PTH2R: variants seen among roughly 807,000 people sequenced by gnomAD.
PTH2R encodes parathyroid hormone 2 receptor.
PTH2R carries 59 observed loss-of-function variants against 60.3 expected under a neutral mutation model. The ratio of observed to expected loss-of-function variants is 0.98; its 90% CI spans 0.79 to 1.22. The LOEUF (loss-of-function observed/expected upper bound fraction) is 1.22. Among genes scored for constraint, PTH2R ranks in the 50% most tolerant of loss-of-function variants. The pLI, the probability that PTH2R is intolerant of heterozygous loss-of-function variation, is 0.00. For missense variants in PTH2R, 749 were observed against 682.6 expected (o/e 1.10, Z -1.08); for synonymous variants, 256 against 243.8 (o/e 1.05, Z -0.47).
At chr2:208,390,828 T>A (rs1013499316) in intron 1 of PTH2R, among the ~76,000 whole-genome samples, 2 of 152,188 alleles carry the variant, frequency 1.3e-5, no homozygotes, top group African/African-American at 4.8e-5. Flanking sequence ...GAGGTAGAAA[T>A]GACAAAAAGT....
Position 208,488,931 on chromosome 2 carries a change from GTT to G in PTH2R, c.1077-72_1077-71del, listed in dbSNP as rs11335842. 1.2e-3 allele frequency: 1,688 copies of G among 1,406,044 alleles called. 4 individuals carry two copies. The highest frequency in any genetic ancestry group is 1.9e-3 in the Admixed American group (97 of 50,254). 87.1% of individuals were successfully genotyped at this position (1,406,044 alleles called of 1,614,324 possible). Reference sequence around the variant, plus strand: ...GCCCCACCCCCATTAGCTCTGCTAAGTTTTTTTTTTCCTCCAGCACGCTGTCT... The same window carrying G: ...GCCCCACCCCCATTAGCTCTGCTAAGTTTTTTTTCCTCCAGCACGCTGTCT... On this transcript the variant is annotated intron_variant, in intron 10 of 12. Coordinates refer to ENST00000272847, the MANE Select transcript of PTH2R (RefSeq NM_005048.4).
intron 8 of PTH2R, among the ~76,000 whole-genome samples, chr2:208,456,700 A>G (rs867559751): frequency 6.6e-6 from 1 of 152,184 alleles, no homozygotes; most frequent in Non-Finnish European, 1.5e-5. Flanking sequence ...AGACCTTTGT[A>G]TCTCATGCTT....
chr2:208,493,488 C>T lies in PTH2R; in HGVS notation c.1482C>T (p.Gly494=). Residue 494 remains glycine (G), a synonymous_variant, in exon 13 of 13, where the codon GGC becomes GGT. Transcript: ENST00000272847. ...CTGACAGCCACATCACTTTACCTGG[C>T]TATGTCTGGAGTAACTCAGAGCAGG... ...RQPDSHITLP[G]YVWSNSEQDC... 2 of 1,612,806 alleles carry T rather than the reference C, an allele frequency of 1.2e-6. No homozygotes were observed. The highest frequency in any genetic ancestry group is 1.7e-6 in the Non-Finnish European group (2 of 1,179,314).
At chr2:208,461,210 G>A (rs1375616059) in intron 9 of PTH2R, among the ~76,000 whole-genome samples, 1 of 152,040 alleles carries the variant, frequency 6.6e-6, no homozygotes, top group African/African-American at 2.4e-5. Context: ...ATCGATTATG[G>A]ATGAATGCAT....
chr2:208,435,886 A>T (rs1702065705), intron 2 of PTH2R, among the ~76,000 whole-genome samples: 1 of 152,204 alleles, frequency 6.6e-6, no homozygotes, highest in Non-Finnish European at 1.5e-5. Context: ...TACAGTAGCA[A>T]TGGAAAACTA....
intron 1 of PTH2R, among the ~76,000 whole-genome samples, chr2:208,422,315 C>T (rs988756883): frequency 4.6e-5 from 7 of 152,174 alleles, no homozygotes; most frequent in Non-Finnish European, 7.3e-5. Context: ...CACATAGACA[C>T]ACCGGAAACA....
At chr2:208,421,551 C>G (rs1701757346) in intron 1 of PTH2R, among the ~76,000 whole-genome samples, 1 of 152,018 alleles carries the variant, frequency 6.6e-6, no homozygotes, top group African/African-American at 2.4e-5. Flanking sequence ...TTTCTCAAAA[C>G]TATAATGTTT....
Position 208,489,147 on chromosome 2 carries a change from T to C in PTH2R, c.1212T>C (p.Phe404=), listed in dbSNP as rs1703345915. ...ACTGTGAGCTCTTCTTCAACTCCTT[T>C]CAGGTAAAGGGTGCTGCCTAGTCAT... ...RMHCELFFNS[F]QGFFVSIIYC... Residue 404 remains phenylalanine (F), a synonymous_variant, in exon 11 of 13, where the codon TTT becomes TTC. Transcript: ENST00000272847. 6.2e-7 allele frequency: 1 copy of C among 1,613,896 alleles called. No homozygotes were observed. Among genetic ancestry groups the C allele is most frequent in the Non-Finnish European group, 8.5e-7 (1 of 1,179,932 alleles).
intron 9 of PTH2R, among the ~76,000 whole-genome samples, chr2:208,473,240 C>G (rs1702924947): frequency 6.6e-6 from 1 of 152,102 alleles, no homozygotes; most frequent in South Asian, 2.1e-4. Flanking sequence ...ATCTAGATAA[C>G]ATTTCATAAG....
At chr2:208,447,338 C>T (rs1202816397) in intron 7 of PTH2R, among the ~76,000 whole-genome samples, 1 of 151,764 alleles carries the variant, frequency 6.6e-6, no homozygotes, top group East Asian at 1.9e-4. Flanking sequence ...CCTGTAATCC[C>T]AGGACTTTGG....
chr2:208,365,706 C>T (rs886496455), intron 1 of PTH2R, among the ~76,000 whole-genome samples: 1 of 147,074 alleles, frequency 6.8e-6, no homozygotes, highest in Non-Finnish European at 1.5e-5. Flanking sequence ...GGAAGTATTC[C>T]TTTCTCTTCA....
intron 1 of PTH2R, among the ~76,000 whole-genome samples, chr2:208,394,613 C>G (rs547010570): frequency 6.6e-6 from 1 of 152,144 alleles, no homozygotes; most frequent in Admixed American, 6.5e-5. Flanking sequence ...TCCTTTTGAC[C>G]TCCTAGACTT....
chr2:208,380,060 T>C (rs1700882999), intron 1 of PTH2R, among the ~76,000 whole-genome samples: 1 of 152,130 alleles, frequency 6.6e-6, no homozygotes, highest in African/African-American at 2.4e-5. Context: ...AATTCTCTAA[T>C]GCCTAAGGAC....
At chr2:208,467,779 G>C (rs1031626179) in intron 9 of PTH2R, among the ~76,000 whole-genome samples, 2 of 152,092 alleles carry the variant, frequency 1.3e-5, no homozygotes, top group African/African-American at 4.8e-5. Context: ...CAAAAAGATG[G>C]TTCCTAGGTC....
At chr2:208,464,840 C>T (rs902803170) in intron 9 of PTH2R, among the ~76,000 whole-genome samples, 1 of 152,142 alleles carries the variant, frequency 6.6e-6, no homozygotes, top group Non-Finnish European at 1.5e-5. Flanking sequence ...AAAACAAAAC[C>T]CCTTATTCTT....
intron 1 of PTH2R, among the ~76,000 whole-genome samples, chr2:208,421,885 T>C (rs1701764146): frequency 6.6e-6 from 1 of 152,208 alleles, no homozygotes; most frequent in Non-Finnish European, 1.5e-5. Flanking sequence ...CTCAGTTTTC[T>C]CTCAGACTAC....
chr2:208,412,028 G>T (rs952362563), intron 1 of PTH2R, among the ~76,000 whole-genome samples: 3 of 152,122 alleles, frequency 2.0e-5, no homozygotes, highest in Non-Finnish European at 4.4e-5. Flanking sequence ...TTTAAATGGG[G>T]TGTGTATGTA....
upstream of PTH2R, among the ~76,000 whole-genome samples, chr2:208,401,840 T>G (rs1304932994): frequency 2.0e-5 from 3 of 152,184 alleles, no homozygotes; most frequent in Admixed American, 6.5e-5. Context: ...GACAGGATCA[T>G]TATCCTTGAA....
rs575091013 is a variant in PTH2R, at chr2:208,436,614, A to G, written c.179-923A>G. Among the ~76,000 whole-genome samples, 21 of 152,198 alleles carry G rather than the reference A, an allele frequency of 1.4e-4. No homozygotes were observed. The South Asian group carries it at 4.2e-3, about 30-fold the overall frequency. On this transcript the variant is annotated intron_variant, in intron 2 of 12. Transcript: ENST00000272847. The stretch of plus-strand genomic sequence containing the variant: ...GCTGCCTGGGCTGGATAGAATCTCA[A>G]CTGCTCATGACCTGCGTGCACCACA...
Sources: allele counts gnomAD v4.1 joint callset (sites outside exome capture counted in the v4.1 genomes callset), GRCh38; gene constraint gnomAD v4.1.1; transcripts MANE v1.5; gene names NCBI Gene and HGNC (gene_info 2026-07-23, HGNC 2026-07-21).